Variants in ASTN2 observed in about 807,000 individuals in gnomAD.
ASTN2 encodes the protein astrotactin-2.
A neutral mutation model predicts 139.8 loss-of-function variants in ASTN2; 54 were observed. That is an observed-to-expected ratio of 0.39 (90% CI 0.31 to 0.48). The LOEUF is 0.48. Ranked by LOEUF, ASTN2 falls within the 20% of genes least tolerant of loss-of-function variation. The pLI is 0.95. For missense variants in ASTN2, 1,565 were observed against 1,725.1 expected, an observed-to-expected ratio of 0.91 and a Z score of 1.64; for synonymous variants, 756 against 719.5, an observed-to-expected ratio of 1.05 and a Z score of -0.81.
chr9:116,737,698 G>A (rs111846088), intron 13 of ASTN2, among the ~76,000 whole-genome samples: 718 of 150,782 alleles, frequency 4.8e-3, no homozygotes, highest in Non-Finnish European at 8.1e-3. Context: ...AATATTTACA[G>A]AGATTTATTG....
chr9:116,886,410 C>T (rs963558675), intron 10 of ASTN2, among the ~76,000 whole-genome samples: 18 of 152,226 alleles, frequency 1.2e-4, no homozygotes, highest in African/African-American at 2.4e-4. Context: ...GGTCTTGCTC[C>T]GTTGCCCAGG....
chr9:116,573,473 A>G (rs892311412), intron 19 of ASTN2, among the ~76,000 whole-genome samples: 8 of 152,154 alleles, frequency 5.3e-5, no homozygotes, highest in African/African-American at 1.9e-4. Flanking sequence ...AAAGGAGGAG[A>G]CTGTACTCAG....
chr9:116,809,176 C>T (rs11999912), intron 12 of ASTN2, among the ~76,000 whole-genome samples: 71,361 of 151,686 alleles, frequency 0.47, 16,924 homozygotes, highest in East Asian at 0.65. Context: ...ACCCACAAGA[C>T]GATAAAATAT....
chr9:117,165,015 C>T (rs1209531821), intron 3 of ASTN2, among the ~76,000 whole-genome samples: 1 of 152,066 alleles, frequency 6.6e-6, no homozygotes, highest in African/African-American at 2.4e-5. Context: ...GAAGATATGG[C>T]TGGTGTAGGG....
intron 2 of ASTN2, among the ~76,000 whole-genome samples, chr9:117,249,121 G>A (rs1018483700): frequency 6.6e-6 from 1 of 152,194 alleles, no homozygotes; most frequent in African/African-American, 2.4e-5. Context: ...GGGAAGGAAA[G>A]AACATAGCTG....
intron 13 of ASTN2, among the ~76,000 whole-genome samples, chr9:116,761,993 C>T (rs1319644607): frequency 5.3e-5 from 8 of 152,154 alleles, no homozygotes; most frequent in African/African-American, 1.9e-4. Flanking sequence ...TGCAGCTTTG[C>T]CATTTAATCA....
chr9:117,278,245 A>T (rs1417881606), intron 2 of ASTN2, among the ~76,000 whole-genome samples: 1 of 152,204 alleles, frequency 6.6e-6, no homozygotes, highest in East Asian at 1.9e-4. Flanking sequence ...TCAAAGCCAA[A>T]TGAACATTAA....
At chr9:117,203,761 A>C (rs1831814531) in intron 3 of ASTN2, among the ~76,000 whole-genome samples, 1 of 152,116 alleles carries the variant, frequency 6.6e-6, no homozygotes, top group African/African-American at 2.4e-5. Context: ...CTTGAGAGGC[A>C]CCAACCTGAT....
intron 2 of ASTN2, among the ~76,000 whole-genome samples, chr9:117,268,839 T>C (rs1833995222): frequency 6.6e-6 from 1 of 152,176 alleles, no homozygotes; most frequent in African/African-American, 2.4e-5. Context: ...ATACTGCTAA[T>C]AAACTCTGTT....
intron 3 of ASTN2, among the ~76,000 whole-genome samples, chr9:117,190,763 A>AT (rs1026884177): frequency 1.1e-4 from 17 of 152,264 alleles, no homozygotes; most frequent in Admixed American, 9.2e-4. Context: ...TTATCTGATC[A>AT]TTAAGACCTT....
In ASTN2 at chr9:116,698,771, G is replaced by A; in HGVS notation, c.2806+27000C>T. 6.2e-7 allele frequency: 1 copy of A among 1,614,184 alleles called. No individual in the cohort carries two copies. Among genetic ancestry groups the A allele is most frequent in the Non-Finnish European group, 8.5e-7 (1 of 1,180,036 alleles). On this transcript the variant is annotated intron_variant, in intron 16 of 22. Coordinates refer to ENST00000313400, the MANE Select transcript of ASTN2 (RefSeq NM_001365068.1). This position sits in a 1 kb window ranked among gnomAD's most constrained non-coding sequence, Gnocchi z 4.4. ...GCCCTAGGGCCTCACCTGCTAAACA[G>A]CGGGGTCCTGAGGCAGCCTCCAATA...
At chr9:116,744,219 G>C (rs940859354) in intron 13 of ASTN2, among the ~76,000 whole-genome samples, 2 of 152,186 alleles carry the variant, frequency 1.3e-5, no homozygotes, top group Admixed American at 6.5e-5. Flanking sequence ...CACATGGCAT[G>C]TTCTGGAAAT....
intron 6 of ASTN2, among the ~76,000 whole-genome samples, chr9:117,024,324 T>C (rs1324866839): frequency 2.6e-5 from 4 of 152,288 alleles, no homozygotes; most frequent in Non-Finnish European, 2.9e-5. Context: ...TGACGTAATT[T>C]TGGGTTTCAA....
Position 116,677,318 on chromosome 9 carries a change from A to G in ASTN2, c.2807-25525T>C, listed in dbSNP as rs139678779. 8.1e-3 allele frequency among the ~76,000 whole-genome samples: 1,227 copies of G among 152,274 alleles called. 20 individuals are homozygous for G. The highest frequency in any genetic ancestry group is 0.029 in the African/African-American group (1,187 of 41,534). On this transcript the variant is annotated intron_variant, in intron 16 of 22. Coordinates refer to ENST00000313400, the MANE Select transcript of ASTN2 (RefSeq NM_001365068.1). ...GCACCATAGACCCTGTTTTGGAAAA[A>G]AAAACCTCTGTTTTCTTCATTAAAA... is the stretch of plus-strand genomic sequence containing the variant.
chr9:117,170,605 A>G (rs10818006), intron 3 of ASTN2, among the ~76,000 whole-genome samples: 25,341 of 152,080 alleles, frequency 0.17, 2,236 homozygotes, highest in Non-Finnish European at 0.19. Context: ...AGTGAGTGCT[A>G]TTTAAAATGA....
intron 5 of ASTN2, among the ~76,000 whole-genome samples, chr9:117,065,799 T>C (rs1325283863): frequency 6.6e-6 from 1 of 152,172 alleles, no homozygotes; most frequent in Non-Finnish European, 1.5e-5. Flanking sequence ...TTAAAGAGAC[T>C]CAGGTTTTCA....
chr9:117,269,054 C>T (rs571521975), intron 2 of ASTN2, among the ~76,000 whole-genome samples: 1 of 152,342 alleles, frequency 6.6e-6, no homozygotes, highest in South Asian at 2.1e-4. Flanking sequence ...TAGTGCATGA[C>T]AATGGCTCAA....
chr9:117,289,510 G>C (rs1450358796), intron 2 of ASTN2, among the ~76,000 whole-genome samples: 6 of 152,222 alleles, frequency 3.9e-5, no homozygotes, highest in African/African-American at 1.4e-4. Context: ...ATTTATAATT[G>C]AGATAATACT....
rs900291793 is a variant in ASTN2 at position 116,792,454 on chromosome 9, C to T, written c.2396+13178G>A. ...TATGGCTGAAATTGCAGCGTGGGCA[C>T]ATAGAGGAGGCTCTAATCCAGGCAC... On this transcript the variant is annotated intron_variant, in intron 13 of 22. Coordinates refer to ENST00000313400, the MANE Select transcript of ASTN2 (RefSeq NM_001365068.1). Among the ~76,000 whole-genome samples, 16 of 152,272 alleles carry T rather than the reference C, an allele frequency of 1.1e-4. No homozygotes were observed. In the East Asian group the frequency reaches 3.1e-3, roughly 29 times the overall value.
Sources: gnomAD v4.1 joint callset for allele counts (sites outside exome capture counted in the v4.1 genomes callset) on GRCh38, gnomAD v4.1.1 for gene constraint, Gnocchi (gnomAD v3.1) non-coding constraint, MANE v1.5 for transcripts, NCBI Gene and HGNC (gene_info 2026-07-23, HGNC 2026-07-21) for gene names.